The following USP34 variants were observed in gnomAD, a reference collection of about 807,000 sequenced individuals.
USP34 encodes ubiquitin specific peptidase 34, also known as ubiquitin carboxyl-terminal hydrolase 34.
USP34 carries 70 observed loss-of-function variants against 460.3 expected under a neutral mutation model. The observed-to-expected ratio is 0.15, with a 90% CI of 0.13 to 0.19. The LOEUF is 0.19. Ranked by LOEUF, USP34 falls within the 10% of genes least tolerant of loss-of-function variation. The pLI is 1.00. For missense variants in USP34, 3,985 were observed against 4,236.2 expected, an observed-to-expected ratio of 0.94 and a Z score of 1.65; for synonymous variants, 1,647 against 1,405.3, an observed-to-expected ratio of 1.17 and a Z score of -3.85.
intron 11 of USP34, 82 bp downstream of exon 11, chr2:61,350,486 A>ATG: frequency 6.4e-7 from 1 of 1,563,292 alleles, no homozygotes; most frequent in South Asian, 1.2e-5. Context: ...AGACAATAAA[A>ATG]TGAAAGTTAA....
Position 61,206,989 on chromosome 2 carries a change from C to T in USP34, c.8920-103G>A, listed in dbSNP as rs1243978091. ...TACGATAGATGTTTTCAGACTCAGA[C>T]TGTGTGTGCACATGTGTGCAAAGCA... On this transcript the variant is annotated intron_variant, in intron 70 of 79. Transcript: ENST00000398571. 3 of 1,269,296 alleles carry T rather than the reference C, an allele frequency of 2.4e-6. No homozygotes were observed. The Admixed American group carries it at 6.7e-5, about 28-fold the overall frequency. 78.6% of individuals were successfully genotyped at this position (1,269,296 alleles called of 1,614,324 possible).
chr2:61,260,650 C>A (rs1442929774), intron 43 of USP34, among the ~76,000 whole-genome samples: 1 of 152,042 alleles, frequency 6.6e-6, no homozygotes, highest in Non-Finnish European at 1.5e-5. Flanking sequence ...TTAAACTCAA[C>A]AGGAATTGAA....
At position 61,296,889 on chromosome 2, in the gene USP34, T is replaced by A. The variant is rs1423238292; in HGVS notation, c.4165A>T (p.Asn1389Tyr). Residue 1389 changes from asparagine to tyrosine, a missense_variant, in exon 30 of 80, where the codon AAT (asparagine) becomes TAT (tyrosine). Physicochemically the swap from Asn to Tyr is moderately radical, Grantham distance 143. Transcript: ENST00000398571. The stretch of plus-strand genomic sequence containing the variant: ...AGCTCCCAGACCCGCCTAGACAGAT[T>A]TTCTGCATGAAGATGAAGTTCTTCA... ...RCEELHLHAE[N>Y]LSRRVWELLM... 1 of 1,613,740 alleles carries A rather than the reference T, an allele frequency of 6.2e-7. No individual in the cohort carries two copies. Among genetic ancestry groups the A allele is most frequent in the Non-Finnish European group, 8.5e-7 (1 of 1,179,878 alleles).
At chr2:61,390,047 T>G (rs773956851) in intron 5 of USP34, among the ~76,000 whole-genome samples, 1 of 152,180 alleles carries the variant, frequency 6.6e-6, no homozygotes, top group Non-Finnish European at 1.5e-5. Flanking sequence ...TTTGCTAGTA[T>G]ATTTGTAAAA....
At chr2:61,430,069 G>A (rs1694623237) in intron 1 of USP34, among the ~76,000 whole-genome samples, 1 of 152,150 alleles carries the variant, frequency 6.6e-6, no homozygotes, top group Non-Finnish European at 1.5e-5. Flanking sequence ...CAAAAAATTA[G>A]CCGCGCGTGG....
chr2:61,326,046 G>A (rs1691077617), intron 20 of USP34, among the ~76,000 whole-genome samples: 1 of 152,152 alleles, frequency 6.6e-6, no homozygotes, highest in Non-Finnish European at 1.5e-5. Context: ...GGTAGGGTAG[G>A]AGATGAGTCT....
At chr2:61,243,844 T>C (rs982842452) in intron 51 of USP34, among the ~76,000 whole-genome samples, 2 of 150,840 alleles carry the variant, frequency 1.3e-5, no homozygotes, top group African/African-American at 4.9e-5. Context: ...TACCCCAGCT[T>C]GGTGACAGAG....
chr2:61,346,347 T>C (rs1448736921), intron 15 of USP34: 1 of 80,442 alleles, frequency 1.2e-5, no homozygotes, highest in Non-Finnish European at 2.4e-5. Context: ...ATACTCTGTC[T>C]CTATAAAAAA....
chr2:61,312,861 GAAACAA>G (rs1350592235), intron 25 of USP34, among the ~76,000 whole-genome samples: 1 of 152,132 alleles, frequency 6.6e-6, no homozygotes, highest in Non-Finnish European at 1.5e-5. Context: ...TATGTCTTGG[GAAACAA>G]AAACACTTCT....
At chr2:61,351,144 T>G (rs1244907906) in intron 10 of USP34, among the ~76,000 whole-genome samples, 1 of 152,176 alleles carries the variant, frequency 6.6e-6, no homozygotes, top group Non-Finnish European at 1.5e-5. Context: ...GGAAGATCTC[T>G]TGATTCCAAT....
At chr2:61,436,869 T>C (rs1356435257) in intron 1 of USP34, among the ~76,000 whole-genome samples, 1 of 152,056 alleles carries the variant, frequency 6.6e-6, no homozygotes, top group Non-Finnish European at 1.5e-5. Context: ...GGAATAAAAA[T>C]AGAAATCAAT....
chr2:61,394,271 T>C (rs924809579), intron 5 of USP34, among the ~76,000 whole-genome samples: 1 of 152,154 alleles, frequency 6.6e-6, no homozygotes, highest in Admixed American at 6.5e-5. Context: ...CATACTATAA[T>C]AGTAACCTAG....
intron 7 of USP34, among the ~76,000 whole-genome samples, chr2:61,378,808 G>T (rs1007145396): frequency 6.7e-6 from 1 of 148,958 alleles, no homozygotes; most frequent in Non-Finnish European, 1.5e-5. Context: ...CAGAGGCTGA[G>T]GCACGAAAAT....
Position 61,350,561 on chromosome 2 carries a change from G to A in USP34, c.1377+7C>T, listed in dbSNP as rs201388507. ...AAAAAAAAACTATCATGTTTTGAAT[G>A]TATTACCTGTTCAGTATGAACACTT... On this transcript the variant is annotated splice_region_variant and intron_variant, in intron 11 of 79. Transcript: ENST00000398571. 1.0e-4 allele frequency: 166 copies of A among 1,597,768 alleles called. No homozygotes were observed. Among genetic ancestry groups the A allele is most frequent in the Non-Finnish European group, 1.2e-4 (143 of 1,175,742 alleles).
At chr2:61,231,705 CTCTG>C (rs1236844290) in intron 58 of USP34, among the ~76,000 whole-genome samples, 2 of 152,012 alleles carry the variant, frequency 1.3e-5, no homozygotes, top group Non-Finnish European at 2.9e-5. Context: ...CAGAACAAGA[CTCTG>C]TCTAAAAACA....
intron 48 of USP34, among the ~76,000 whole-genome samples, chr2:61,254,377 C>T (rs548724627): frequency 5.1e-4 from 78 of 152,300 alleles, no homozygotes; most frequent in African/African-American, 1.9e-3. Context: ...CTGATAGATT[C>T]AATCACACAG....
intron 76 of USP34, among the ~76,000 whole-genome samples, chr2:61,191,829 T>A (rs1207031929): frequency 6.6e-6 from 1 of 152,088 alleles, no homozygotes; most frequent in African/African-American, 2.4e-5. Flanking sequence ...GAAAACGAGA[T>A]CTCCAATTGA....
chr2:61,387,280 T>C (rs910755064), intron 5 of USP34, among the ~76,000 whole-genome samples: 4 of 151,784 alleles, frequency 2.6e-5, no homozygotes, highest in African/African-American at 9.7e-5. Flanking sequence ...TGGCCAAACA[T>C]AGTGAAATCC....
intron 67 of USP34, among the ~76,000 whole-genome samples, chr2:61,215,435 C>G (rs1207859058): frequency 6.6e-6 from 1 of 152,168 alleles, no homozygotes; most frequent in Non-Finnish European, 1.5e-5. Context: ...TCTTTTAAGG[C>G]TAAACTTACA....
Sources: gnomAD v4.1 joint callset for allele counts (sites outside exome capture counted in the v4.1 genomes callset) on GRCh38, gnomAD v4.1.1 for gene constraint, MANE v1.5 for transcripts, NCBI Gene and HGNC (gene_info 2026-07-23, HGNC 2026-07-21) for gene names.